Variants in NEGR1 observed in about 807,000 individuals in gnomAD.
The protein encoded by NEGR1 is IgLON family member 4.
Under a neutral mutation model 40.9 loss-of-function variants are expected in NEGR1, and 10 were observed. The ratio of observed to expected loss-of-function variants is 0.24; its 90% confidence interval spans 0.15 to 0.42. The LOEUF (loss-of-function observed/expected upper bound fraction) is 0.42. Among genes scored for constraint, NEGR1 ranks in the 10% least tolerant of loss-of-function variants. The probability of loss-of-function intolerance (pLI) is 1.00; values close to 1 mark genes in which losing one functional copy is unlikely to be tolerated. For missense variants in NEGR1, 352 were observed against 438.9 expected (o/e 0.80, Z 1.77); for synonymous variants, 185 against 166.8 (o/e 1.11, Z -0.84).
At chr1:71,636,582 A>G (rs1651158917) in intron 4 of NEGR1, among the ~76,000 whole-genome samples, 1 of 152,122 alleles carries the variant, frequency 6.6e-6, no homozygotes, top group Admixed American at 6.6e-5. Context: ...GAAAGGTTCC[A>G]TAAGATTCTA....
At chr1:71,543,417 A>C (rs114552259) in intron 6 of NEGR1, among the ~76,000 whole-genome samples, 1 of 151,836 alleles carries the variant, frequency 6.6e-6, no homozygotes, top group Non-Finnish European at 1.5e-5. Context: ...CCGTCTTAAA[A>C]AGTTAAAGCA....
chr1:71,883,091 T>A (rs1197922609), intron 2 of NEGR1, among the ~76,000 whole-genome samples: 1 of 152,160 alleles, frequency 6.6e-6, no homozygotes, highest in African/African-American at 2.4e-5. Flanking sequence ...AAAGTATAAA[T>A]CTTTTGGGGC....
intron 2 of NEGR1, among the ~76,000 whole-genome samples, chr1:71,928,069 C>CGT (rs1645796693): frequency 1.0e-5 from 1 of 97,244 alleles, no homozygotes; most frequent in African/African-American, 3.9e-5. Context: ...TACACACACA[C>CGT]ATATGTACAT....
At position 71,474,672 on chromosome 1, in the gene NEGR1, T is replaced by C. The variant is rs185592758; in HGVS notation, c.941-67102A>G. Among the ~76,000 whole-genome samples, 1,139 of 140,918 alleles carry C rather than the reference T, an allele frequency of 8.1e-3. 67 individuals carry two copies. Among genetic ancestry groups the C allele is most frequent in the Admixed American group, 0.07 (920 of 13,096 alleles). The allele number at this position is 140,918 out of a possible 152,430, so 92.4% of individuals were successfully genotyped here. On this transcript the variant is annotated intron_variant, in intron 6 of 6. Transcript: ENST00000357731. ...GTTGCAGTGAGCCAAATTGTACCAT[T>C]GTACCATTGCACTCAAGCCTGGGTG...
chr1:71,679,355 A>G (rs7522518), intron 4 of NEGR1, among the ~76,000 whole-genome samples: 149,719 of 152,266 alleles, frequency 0.98, 73,647 homozygotes, highest in Middle Eastern at 1. Flanking sequence ...TACATTTATA[A>G]TGACTTTTCA....
At position 71,789,385 on chromosome 1, in the gene NEGR1, G is replaced by A. The variant is rs188277810; in HGVS notation, c.410-13088C>T. Among the ~76,000 whole-genome samples, 446 of 152,240 alleles carry A rather than the reference G, an allele frequency of 2.9e-3. 2 individuals carry two copies. Among genetic ancestry groups the A allele is most frequent in the African/African-American group, 9.8e-3 (406 of 41,580 alleles). On this transcript the variant is annotated intron_variant, in intron 2 of 6. Transcript: ENST00000357731. Reference sequence around the variant, plus strand: ...GAATGTGTTTAATGGGAATATTTTAGTCAGTTCTAAATGTTCCTTGTTTAG... The same window carrying A: ...GAATGTGTTTAATGGGAATATTTTAATCAGTTCTAAATGTTCCTTGTTTAG...
At chr1:72,226,034 T>C (rs1654180832) in intron 1 of NEGR1, among the ~76,000 whole-genome samples, 2 of 151,738 alleles carry the variant, frequency 1.3e-5, no homozygotes, top group Admixed American at 1.3e-4. Context: ...ATAAATAAAT[T>C]TATGGTTTAA....
chr1:71,579,473 T>A lies in NEGR1; in HGVS notation c.940+13344A>T, dbSNP rs529154454. Among the ~76,000 whole-genome samples, 13 of 152,298 alleles carry A rather than the reference T, an allele frequency of 8.5e-5. No individual in the cohort carries two copies. In the East Asian group the frequency reaches 2.1e-3, roughly 25 times the overall value. On this transcript the variant is annotated intron_variant, in intron 6 of 6. Transcript: ENST00000357731. ...TTAAGATTATGACATTACTGGTTAA[T>A]CTTATGTCCCAAGCATGCAGTCTAC...
chr1:71,687,765 T>A (rs1045025620), intron 4 of NEGR1, among the ~76,000 whole-genome samples: 4 of 152,164 alleles, frequency 2.6e-5, no homozygotes, highest in Non-Finnish European at 4.4e-5. Context: ...TTTCTAAAAG[T>A]CTCCCTAGTT....
chr1:71,601,611 G>A (rs1454288780), intron 5 of NEGR1, among the ~76,000 whole-genome samples: 2 of 152,224 alleles, frequency 1.3e-5, no homozygotes, highest in African/African-American at 4.8e-5. Context: ...TATATTCAGT[G>A]AAATACTATG....
intron 1 of NEGR1, among the ~76,000 whole-genome samples, chr1:72,160,429 C>T (rs908680814): frequency 1.3e-5 from 2 of 152,072 alleles, no homozygotes; most frequent in Non-Finnish European, 2.9e-5. Flanking sequence ...ATTAGAATTA[C>T]AACTTTAAAA....
At chr1:71,877,179 A>C (rs917418201) in intron 2 of NEGR1, among the ~76,000 whole-genome samples, 1 of 152,038 alleles carries the variant, frequency 6.6e-6, no homozygotes, top group African/African-American at 2.4e-5. Context: ...AAAGGGTCTG[A>C]GAGTAAGGCA....
chr1:71,722,286 G>A (rs757712001), intron 3 of NEGR1, among the ~76,000 whole-genome samples: 7 of 151,882 alleles, frequency 4.6e-5, no homozygotes, highest in Admixed American at 6.6e-5. Flanking sequence ...CACCTCCTCC[G>A]TTTCCTAACC....
intron 3 of NEGR1, among the ~76,000 whole-genome samples, chr1:71,699,739 C>A (rs1191613886): frequency 6.6e-6 from 1 of 151,740 alleles, no homozygotes; most frequent in Non-Finnish European, 1.5e-5. Flanking sequence ...TGCCCCAACC[C>A]GACTCTCAAC....
In NEGR1 at chr1:71,499,597, G is replaced by T. The variant is rs1017975520; in HGVS notation, c.941-92027C>A. Among the ~76,000 whole-genome samples, 17 of 151,224 alleles carry T rather than the reference G, an allele frequency of 1.1e-4. No individual in the cohort carries two copies. In the East Asian group the frequency reaches 3.3e-3, roughly 29 times the overall value. On this transcript the variant is annotated intron_variant, in intron 6 of 6. Coordinates refer to ENST00000357731, the MANE Select transcript of NEGR1 (RefSeq NM_173808.3). ...ATGTGACAAAGAACACAAAGTTCCTGACCTCACGATTGCTTATAATCCCAT... is the reference window on the plus strand; with the variant it reads ...ATGTGACAAAGAACACAAAGTTCCTTACCTCACGATTGCTTATAATCCCAT...
chr1:71,799,290 C>T (rs748670819), intron 2 of NEGR1, among the ~76,000 whole-genome samples: 3 of 152,176 alleles, frequency 2.0e-5, no homozygotes, highest in East Asian at 3.9e-4. Context: ...GGAGACCACA[C>T]GGTGTTTGGT....
chr1:71,587,908 T>C (rs190123717), intron 6 of NEGR1, among the ~76,000 whole-genome samples: 1 of 152,248 alleles, frequency 6.6e-6, no homozygotes, highest in Admixed American at 6.5e-5. Flanking sequence ...GAGAGGGTTG[T>C]ATTAAACTAA....
At position 72,002,728 on chromosome 1, in the gene NEGR1, T is replaced by C. The variant is rs1413823325; in HGVS notation, c.177-67417A>G. Among the ~76,000 whole-genome samples the C allele has an allele frequency of 2.0e-5, 3 of 152,188 alleles. No homozygotes were observed. The East Asian group carries it at 5.8e-4, about 29-fold the overall frequency. ...TTACTAATCAATAATGTCACATCAA[T>C]TGTTTACTCTTAAATGTAAATCAAT... On this transcript the variant is annotated intron_variant, in intron 1 of 6. Coordinates refer to ENST00000357731, the MANE Select transcript of NEGR1 (RefSeq NM_173808.3).
chr1:71,920,136 G>A (rs1645697268), intron 2 of NEGR1, among the ~76,000 whole-genome samples: 1 of 152,108 alleles, frequency 6.6e-6, no homozygotes, highest in African/African-American at 2.4e-5. Flanking sequence ...GCCATCTCCA[G>A]CTCCGAGGAG....
Sources: gnomAD v4.1 joint callset for allele counts (sites outside exome capture counted in the v4.1 genomes callset) on GRCh38, gnomAD v4.1.1 for gene constraint, MANE v1.5 for transcripts, NCBI Gene and HGNC (gene_info 2026-07-23, HGNC 2026-07-21) for gene names.